MYO9A: variants seen among roughly 807,000 people sequenced by gnomAD.
MYO9A encodes unconventional myosin-IXa.
MYO9A carries 103 observed loss-of-function variants against 293.3 expected under a neutral mutation model. That is an observed-to-expected ratio of 0.35 (90% CI 0.30 to 0.41). The LOEUF is 0.41. MYO9A is among the 10% of genes least tolerant of loss of function. The pLI is 1.00. For missense variants in MYO9A, 2,685 were observed against 3,033.0 expected, an observed-to-expected ratio of 0.89 and a Z score of 2.69; for synonymous variants, 1,001 against 1,035.7, an observed-to-expected ratio of 0.97 and a Z score of 0.64.
intron 13 of MYO9A, among the ~76,000 whole-genome samples, chr15:71,966,914 C>A (rs1208968679): frequency 6.6e-6 from 1 of 152,056 alleles, no homozygotes; most frequent in Non-Finnish European, 1.5e-5. Context: ...AAATAATAAC[C>A]CCCTGTCTAT....
intron 35 of MYO9A, among the ~76,000 whole-genome samples, chr15:71,853,891 A>T (rs2055759248): frequency 6.6e-6 from 1 of 152,226 alleles, no homozygotes; most frequent in Admixed American, 6.5e-5. Flanking sequence ...AATTCAGAAG[A>T]TCTGGGGTTA....
At chr15:72,008,784 A>C (rs891406245) in intron 7 of MYO9A, among the ~76,000 whole-genome samples, 9 of 152,168 alleles carry the variant, frequency 5.9e-5, no homozygotes, top group Non-Finnish European at 1.2e-4. Context: ...CAATCCACTG[A>C]AAAACTCTTC....
intron 7 of MYO9A, among the ~76,000 whole-genome samples, chr15:72,010,049 G>GCTTTACAT (rs2077128654): frequency 6.6e-6 from 1 of 152,110 alleles, no homozygotes; most frequent in Non-Finnish European, 1.5e-5. Flanking sequence ...TATAAAAATA[G>GCTTTACAT]TGTTACAAAG....
chr15:71,866,542 C>G (rs193091899), intron 32 of MYO9A, among the ~76,000 whole-genome samples: 130 of 151,210 alleles, frequency 8.6e-4, no homozygotes, highest in Admixed American at 1.7e-3. Context: ...TTTTTTAAAC[C>G]TGTATATGAA....
At position 71,999,931 on chromosome 15, in the gene MYO9A, CTT is replaced by C; in HGVS notation, c.1388_1389del (p.Glu463GlyfsTer5). 1 of 1,609,584 alleles carries C rather than the reference CTT, an allele frequency of 6.2e-7. No individual in the cohort carries two copies. Among genetic ancestry groups the C allele is most frequent in the East Asian group, 2.2e-5 (1 of 44,712 alleles). On this transcript the variant is annotated frameshift_variant, in exon 9 of 42. Coordinates refer to ENST00000356056, the MANE Select transcript of MYO9A (RefSeq NM_006901.4). LOFTEE classifies it high-confidence loss of function. ...PIVSELLEVK[E>X]EMLFEALVTR... ...GTAACTAATGCTTCAAATAGCATCT[CTT>C]CTTTAACCTATAAAACAGAAAAGTA...
chr15:72,038,813 C>G (rs2078139610), intron 2 of MYO9A, among the ~76,000 whole-genome samples: 2 of 152,090 alleles, frequency 1.3e-5, no homozygotes, highest in African/African-American at 4.8e-5. Flanking sequence ...TTCTTTAATC[C>G]CTTATTGTTT....
intron 15 of MYO9A, among the ~76,000 whole-genome samples, chr15:71,951,031 A>G (rs1468000650): frequency 6.6e-6 from 1 of 152,212 alleles, no homozygotes; most frequent in Admixed American, 6.5e-5. Flanking sequence ...AAGAAAGGAA[A>G]CGGAGACCAA....
chr15:71,858,943 T>C (rs548867895), intron 34 of MYO9A, among the ~76,000 whole-genome samples: 11 of 152,278 alleles, frequency 7.2e-5, no homozygotes, highest in Admixed American at 7.2e-4. Flanking sequence ...CTCTAAAATC[T>C]AGTCTCCTAA....
intron 6 of MYO9A, among the ~76,000 whole-genome samples, chr15:72,018,086 T>C (rs945644315): frequency 1.3e-5 from 2 of 151,636 alleles, no homozygotes; most frequent in Non-Finnish European, 2.9e-5. Flanking sequence ...CTTATTAAAA[T>C]ACAGTAATAT....
intron 11 of MYO9A, 123 bp downstream of exon 11, chr15:71,990,979 CA>C (rs2076529679): frequency 3.0e-6 from 3 of 990,068 alleles, no homozygotes; most frequent in Non-Finnish European, 4.1e-6. Context: ...AGGCACGTTT[CA>C]ATATTTAATA....
chr15:71,915,840 A>T (rs1021720719), intron 19 of MYO9A, among the ~76,000 whole-genome samples: 1 of 152,188 alleles, frequency 6.6e-6, no homozygotes, highest in Non-Finnish European at 1.5e-5. Context: ...AGAAGAATGG[A>T]AGAGGCAATT....
intron 1 of MYO9A, among the ~76,000 whole-genome samples, chr15:72,077,752 A>AAAAAAAAAT (rs2079412621): frequency 4.1e-5 from 3 of 72,492 alleles, no homozygotes; most frequent in Admixed American, 1.8e-4. Context: ...AAAAAAAAAA[A>AAAAAAAAAT]ATATATATAT....
At chr15:72,041,188 T>G in intron 2 of MYO9A, 1 of 1,327,768 alleles carries the variant, frequency 7.5e-7, no homozygotes, top group Non-Finnish European at 1.1e-6. Flanking sequence ...GAGGCTCCCA[T>G]TTATTTGCAG....
intron 9 of MYO9A, chr15:71,998,912 C>A (rs2076785922): frequency 6.6e-6 from 1 of 152,126 alleles, no homozygotes; most frequent in South Asian, 2.1e-4. Context: ...ATGAACTCAT[C>A]ATTTTTTATG....
intron 30 of MYO9A, 89 bp downstream of exon 30, chr15:71,879,632 G>T: frequency 1.1e-6 from 1 of 925,780 alleles, no homozygotes; most frequent in Non-Finnish European, 1.6e-6. Context: ...AATCTCTTAC[G>T]AAACATGGCT....
intron 13 of MYO9A, among the ~76,000 whole-genome samples, chr15:71,963,078 C>T (rs116929566): frequency 0.022 from 3,363 of 152,056 alleles, 83 homozygotes; most frequent in Admixed American, 0.071. Context: ...ACTCATTTCT[C>T]TTTTTTTGGT....
In MYO9A at chr15:72,053,635, A is replaced by T. The variant is rs371733607; in HGVS notation, c.-71-7001T>A. On this transcript the variant is annotated intron_variant, in intron 1 of 41. Coordinates refer to ENST00000356056, the MANE Select transcript of MYO9A (RefSeq NM_006901.4). ...ATGAACACAAAGAAGGGAGCAATAGACACAAGAGCCTACTTGAGGGTGAAG... is the reference window on the plus strand; with the variant it reads ...ATGAACACAAAGAAGGGAGCAATAGTCACAAGAGCCTACTTGAGGGTGAAG... Among the ~76,000 whole-genome samples the T allele has an allele frequency of 8.3e-4, 127 of 152,266 alleles. 1 individual carries two copies. In the South Asian group the frequency reaches 0.018, roughly 21 times the overall value.
intron 15 of MYO9A, among the ~76,000 whole-genome samples, chr15:71,940,695 C>G (rs550067853): frequency 1.3e-5 from 2 of 151,960 alleles, no homozygotes; most frequent in Non-Finnish European, 2.9e-5. Context: ...CCAAACTGAC[C>G]TACAGATCAA....
At position 71,826,676 on chromosome 15, in the gene MYO9A, C is replaced by T; in HGVS notation, c.7551G>A (p.Glu2517=). ...TTCTGCGGCCAGACATGACTGTCCC[C>T]TCTGGGGTCTCTTTGGTTTTCTGAG... ...NSPQKTKETP[E]GTVMSGRRKT... is the part of the protein sequence containing the mutation. Residue 2517 remains glutamate, a synonymous_variant, in exon 42 of 42, where the codon GAG becomes GAA. Coordinates refer to ENST00000356056, the MANE Select transcript of MYO9A (RefSeq NM_006901.4). The T allele has an allele frequency of 6.2e-7, 1 of 1,614,088 alleles. No individual in the cohort carries two copies. The highest frequency in any genetic ancestry group is 1.7e-5 in the Admixed American group (1 of 60,006).
Sources: allele counts gnomAD v4.1 joint callset (sites outside exome capture counted in the v4.1 genomes callset), GRCh38; gene constraint gnomAD v4.1.1; transcripts MANE v1.5; gene names NCBI Gene and HGNC (gene_info 2026-07-23, HGNC 2026-07-21).